PCDHA3: variants seen among roughly 807,000 people sequenced by gnomAD.
The protein encoded by PCDHA3 is protocadherin alpha-3.
Under a neutral mutation model 62.2 loss-of-function variants are expected in PCDHA3, and 41 were observed. The observed-to-expected ratio is 0.66, with a 90% confidence interval of 0.51 to 0.86. PCDHA3 has a LOEUF of 0.86. Ranked by LOEUF, PCDHA3 falls within the 40% of genes least tolerant of loss-of-function variation. The probability of loss-of-function intolerance (pLI) is 0.00; values close to 1 mark genes in which losing one functional copy is unlikely to be tolerated. For missense variants in PCDHA3, 1,304 were observed against 1,241.2 expected, an observed-to-expected ratio of 1.05 and a Z score of -0.76; for synonymous variants, 640 against 555.4, an observed-to-expected ratio of 1.15 and a Z score of -2.14.
At chr5:140,882,252 G>C (rs782433822) in intron 1 of PCDHA3, 1 of 1,597,600 alleles carries the variant, frequency 6.3e-7, no homozygotes, top group Non-Finnish European at 8.5e-7. Context: ...ATAGCTCTGA[G>C]GTTTTTGGAG....
chr5:140,959,696 G>A (rs1344206142), intron 1 of PCDHA3, among the ~76,000 whole-genome samples: 1 of 152,098 alleles, frequency 6.6e-6, no homozygotes, highest in Non-Finnish European at 1.5e-5. Flanking sequence ...AATAAAATGA[G>A]CTTTGAAAGG....
chr5:140,962,248 A>G (rs782618740), intron 1 of PCDHA3, among the ~76,000 whole-genome samples: 5 of 152,182 alleles, frequency 3.3e-5, no homozygotes, highest in Non-Finnish European at 5.9e-5. Context: ...ATTTTCTTCA[A>G]TGAAAAATAA....
intron 1 of PCDHA3, among the ~76,000 whole-genome samples, chr5:140,973,299 T>C (rs1191449890): frequency 1.3e-5 from 2 of 152,198 alleles, no homozygotes; most frequent in African/African-American, 4.8e-5. Flanking sequence ...TTCTATCTGA[T>C]GACTCTATCC....
intron 1 of PCDHA3, chr5:140,843,444 C>T: frequency 1.3e-6 from 2 of 1,596,146 alleles, no homozygotes; most frequent in Non-Finnish European, 1.7e-6. Flanking sequence ...TGCGCGGTAT[C>T]CAGCCTGCTG....
rs1554122006 is a variant in PCDHA3 at position 140,802,297 on chromosome 5, C to G, written c.1100C>G (p.Thr367Arg). The G allele has an allele frequency of 1.2e-6, 2 of 1,614,152 alleles. No homozygotes were observed. The highest frequency in any genetic ancestry group is 1.3e-5 in the African/African-American group (1 of 74,956). The stretch of plus-strand genomic sequence containing the variant: ...GTATTAGAAGACTCTCCACTTAGCA[C>G]AGTCATCGCTCTGATCAGCGTGTCC... ...LPVLEDSPLSTVIALISVSDR... is the reference protein window; with the variant it reads ...LPVLEDSPLSRVIALISVSDR... Residue 367 changes from threonine (T) to arginine (R), a missense_variant, in exon 1 of 4, where the codon ACA (threonine) becomes AGA (arginine). Thr to Arg is a moderately conservative substitution (Grantham distance 71). Coordinates refer to ENST00000522353, the MANE Select transcript of PCDHA3 (RefSeq NM_018906.3).
chr5:140,822,224 G>A lies in PCDHA3; in HGVS notation c.2394+18633G>A, dbSNP rs2150114696. ...TTAGAGTCAAGAATGCCAGATTCGC[G>A]GTTTCCGCTAGAGGGCGCGTCGGAT... On this transcript the variant is annotated intron_variant, in intron 1 of 3. Transcript: ENST00000522353. 10 of 1,614,208 alleles carry A rather than the reference G, an allele frequency of 6.2e-6. No homozygotes were observed. In the South Asian group the frequency reaches 8.8e-5, roughly 14 times the overall value.
chr5:140,951,762 A>G (rs2094630710), intron 1 of PCDHA3, among the ~76,000 whole-genome samples: 1 of 152,090 alleles, frequency 6.6e-6, no homozygotes, highest in Non-Finnish European at 1.5e-5. Flanking sequence ...GCGAAATCTC[A>G]TGACGTTCTT....
chr5:140,868,603 T>C (rs1554162122), intron 1 of PCDHA3: 2 of 153,246 alleles, frequency 1.3e-5, no homozygotes, highest in Non-Finnish European at 2.9e-5. Flanking sequence ...TAGTTTTTCA[T>C]GAGGCCACCT....
At chr5:140,969,923 A>G (rs1270842223) in intron 1 of PCDHA3, among the ~76,000 whole-genome samples, 3 of 152,234 alleles carry the variant, frequency 2.0e-5, no homozygotes, top group Non-Finnish European at 4.4e-5. Flanking sequence ...AAGCTGTAGT[A>G]TTTAGACATC....
At position 140,849,935 on chromosome 5, in the gene PCDHA3, G is replaced by C. The variant is rs2150458512; in HGVS notation, c.2394+46344G>C. The C allele has an allele frequency of 9.4e-6, 15 of 1,598,054 alleles. 1 individual carries two copies. In the East Asian group the frequency reaches 3.1e-4, roughly 33 times the overall value. On this transcript the variant is annotated intron_variant, in intron 1 of 3. Transcript: ENST00000522353. ...GCCACATCTTCACGGTGTCTGCGCG[G>C]GACGCTGACGCGCAGGAGAACGCCC...
intron 1 of PCDHA3, chr5:140,836,570 G>A (rs1294838200): frequency 6.2e-6 from 10 of 1,613,682 alleles, no homozygotes; most frequent in Non-Finnish European, 7.6e-6. Flanking sequence ...CGTCCTCTGA[G>A]GGCGCATGTA....
chr5:140,963,977 C>A (rs1311264244), intron 1 of PCDHA3, among the ~76,000 whole-genome samples: 1 of 152,164 alleles, frequency 6.6e-6, no homozygotes, highest in Non-Finnish European at 1.5e-5. Flanking sequence ...ACTCCAAAGT[C>A]TATATTCCTA....
chr5:140,803,320 C>T lies in PCDHA3; in HGVS notation c.2123C>T (p.Ser708Phe), dbSNP rs782343160. 6.2e-7 allele frequency: 1 copy of T among 1,614,148 alleles called. No individual in the cohort carries two copies. Among genetic ancestry groups the T allele is most frequent in the South Asian group, 1.1e-5 (1 of 91,090 alleles). Residue 708 changes from serine to phenylalanine, a missense_variant, in exon 1 of 4, where the codon TCC becomes TTC. Coordinates refer to ENST00000522353, the MANE Select transcript of PCDHA3 (RefSeq NM_018906.3). ...TTGATCGTCGCCATCTGCGCGGTGTCCAGTCTGTTGGTGCTCACACTGCTG... is the reference window on the plus strand; with the variant it reads ...TTGATCGTCGCCATCTGCGCGGTGTTCAGTCTGTTGGTGCTCACACTGCTG... ...VYLIVAICAV[S>F]SLLVLTLLLY...
intron 3 of PCDHA3, among the ~76,000 whole-genome samples, chr5:140,993,250 T>G (rs1554253518): frequency 6.6e-6 from 1 of 152,154 alleles, no homozygotes; most frequent in East Asian, 1.9e-4. Context: ...GGGATTTAGA[T>G]ATATAAATTA....
chr5:140,942,280 C>T (rs1157451404), intron 1 of PCDHA3, among the ~76,000 whole-genome samples: 6 of 152,030 alleles, frequency 3.9e-5, no homozygotes, highest in African/African-American at 1.5e-4. Context: ...AATGGTGGCT[C>T]ATGCCTGTAA....
chr5:140,886,828 A>G (rs74967108), intron 1 of PCDHA3, among the ~76,000 whole-genome samples: 4 of 133,052 alleles, frequency 3.0e-5, no homozygotes, highest in Non-Finnish European at 6.5e-5. Flanking sequence ...CTTCGTCTTG[A>G]AAAAAAAAAA....
chr5:140,967,508 C>G (rs2096150874), intron 1 of PCDHA3: 2 of 1,612,712 alleles, frequency 1.2e-6, no homozygotes, highest in Non-Finnish European at 1.7e-6. Flanking sequence ...TGTGCGTGTC[C>G]TGGACACTAA....
In PCDHA3 at chr5:140,841,333, C is replaced by G; in HGVS notation, c.2394+37742C>G. The G allele has an allele frequency of 1.9e-6, 3 of 1,605,502 alleles. 1 individual carries two copies. Among genetic ancestry groups the G allele is most frequent in the Non-Finnish European group, 2.6e-6 (3 of 1,175,392 alleles). ...AACGACTATTTAACATGGATTATCA[C>G]TGGCGAGGAGAGCTGGGATCCTGGC... is the stretch of plus-strand genomic sequence containing the variant. On this transcript the variant is annotated intron_variant, in intron 1 of 3. Transcript: ENST00000522353.
intron 1 of PCDHA3, among the ~76,000 whole-genome samples, chr5:140,932,235 G>A (rs372410374): frequency 4.0e-5 from 6 of 151,638 alleles, no homozygotes; most frequent in African/African-American, 1.5e-4. Context: ...TTTTAGAATG[G>A]TATCTAAGAG....
Sources: allele counts gnomAD v4.1 joint callset (sites outside exome capture counted in the v4.1 genomes callset), GRCh38; gene constraint gnomAD v4.1.1; transcripts MANE v1.5; gene names NCBI Gene and HGNC (gene_info 2026-07-23, HGNC 2026-07-21).